The following BCO2 variants were observed in gnomAD, a reference collection of about 807,000 sequenced individuals.
The protein encoded by BCO2 is beta-carotene oxygenase 2, also known as carotenoid-cleaving dioxygenase, mitochondrial.
Under a neutral mutation model 65.8 loss-of-function variants are expected in BCO2, and 56 were observed. The ratio of observed to expected loss-of-function variants is 0.85; its 90% CI spans 0.69 to 1.06. The LOEUF (loss-of-function observed/expected upper bound fraction) is 1.06, where lower values mean the gene tolerates loss of function less well. Ranked by LOEUF, BCO2 falls within the 50% of genes least tolerant of loss-of-function variation. The pLI, the probability that BCO2 is intolerant of heterozygous loss-of-function variation, is 0.00. For missense variants in BCO2, 675 were observed against 698.5 expected (o/e 0.97, Z 0.38); for synonymous variants, 233 against 242.3 (o/e 0.96, Z 0.36).
Position 112,193,708 on chromosome 11 carries a change from T to C in BCO2, c.517+11T>C, listed in dbSNP as rs7105056. Reference sequence around the variant, plus strand: ...CTGGTAAAGCTGCAGGTGATAGTGATGATTATTTAAACTATTACGATATAT... The same window carrying C: ...CTGGTAAAGCTGCAGGTGATAGTGACGATTATTTAAACTATTACGATATAT... On this transcript the variant is annotated intron_variant, in intron 3 of 11. Coordinates refer to ENST00000357685, the MANE Select transcript of BCO2 (RefSeq NM_031938.7). The C allele has an allele frequency of 0.98, 1,572,303 of 1,608,290 alleles. 769,231 individuals are homozygous for C. Among genetic ancestry groups the C allele is most frequent in the East Asian group, 1 (44,810 of 44,822 alleles).
Position 112,179,371 on chromosome 11 carries a change from TGGAAGAGGCTCCACGG to T in BCO2, c.185_200del (p.Glu62AlafsTer53). On this transcript the variant is annotated frameshift_variant, in exon 2 of 12. Transcript: ENST00000357685. LOFTEE classifies it high-confidence loss of function. ...TGTGTTGCACCGCTGCTGACCACAG[TGGAAGAGGCTCCACGG>T]GGCATCTCTGCTCGAGTCTGGGGAC... The T allele has an allele frequency of 6.2e-7, 1 of 1,614,208 alleles. No individual in the cohort carries two copies. Among genetic ancestry groups the T allele is most frequent in the Non-Finnish European group, 8.5e-7 (1 of 1,180,046 alleles).
At chr11:112,195,693 C>G (rs1867552128) in intron 5 of BCO2, among the ~76,000 whole-genome samples, 1 of 152,154 alleles carries the variant, frequency 6.6e-6, no homozygotes, top group South Asian at 2.1e-4. Flanking sequence ...ATCCGTCTGC[C>G]TCGGTCTCCC....
chr11:112,189,967 ATAT>A (rs750589356), intron 2 of BCO2, among the ~76,000 whole-genome samples: 1 of 152,184 alleles, frequency 6.6e-6, no homozygotes, highest in Non-Finnish European at 1.5e-5. Flanking sequence ...CTGCAGACTA[ATAT>A]TATTTACGAA....
At position 112,214,873 on chromosome 11, in the gene BCO2, T is replaced by C. The variant is rs1268316090; in HGVS notation, c.1444T>C (p.Tyr482His). The part of the protein sequence containing the change: ...RFSGKKYHFF[Y>H]GCGFRHLVGD... ...CAGTGGCAAAAAGTATCATTTCTTT[T>C]ATGGCTGTGGCTTTCGGCATTTAGT... The change falls in exon 10 of 12, where the codon TAT becomes CAT. Residue 482 changes from tyrosine (Y) to histidine (H), a missense_variant. Physicochemically the swap from Tyr to His is moderately conservative, Grantham distance 83. Transcript: ENST00000357685. 2 of 1,614,068 alleles carry C rather than the reference T, an allele frequency of 1.2e-6. No homozygotes were observed. Among genetic ancestry groups the C allele is most frequent in the African/African-American group, 1.3e-5 (1 of 74,930 alleles).
chr11:112,180,810 A>G (rs966945612), intron 2 of BCO2: 3 of 1,034,650 alleles, frequency 2.9e-6, no homozygotes, highest in African/African-American at 3.1e-5. Context: ...GGCAGCCCCA[A>G]GAACGGAAAG....
chr11:112,179,305 C>G lies in BCO2; in HGVS notation c.116C>G (p.Pro39Arg). 1 of 1,614,136 alleles carries G rather than the reference C, an allele frequency of 6.2e-7. No homozygotes were observed. Among genetic ancestry groups the G allele is most frequent in the Non-Finnish European group, 8.5e-7 (1 of 1,180,014 alleles). The change falls in exon 2 of 12, where the codon CCT becomes CGT. Residue 39 changes from proline to arginine, a missense_variant. Coordinates refer to ENST00000357685, the MANE Select transcript of BCO2 (RefSeq NM_031938.7). ...TTCAAAAGGTACATGGGAAATACTC[C>G]TCAGAAAAAAGCCGTCTTTGGGCAG... ...PVFKRYMGNT[P>R]QKKAVFGQCR...
At chr11:112,205,135 T>C (rs1592858685) in intron 8 of BCO2, among the ~76,000 whole-genome samples, 1 of 152,236 alleles carries the variant, frequency 6.6e-6, no homozygotes, top group East Asian at 1.9e-4. Context: ...AAAAGTTATG[T>C]GTGGATTTTC....
At chr11:112,197,943 G>A (rs1227394013) in intron 5 of BCO2, among the ~76,000 whole-genome samples, 3 of 152,106 alleles carry the variant, frequency 2.0e-5, no homozygotes, top group African/African-American at 7.2e-5. Flanking sequence ...TATCCTCAAG[G>A]CTTTCTTCCT....
intron 9 of BCO2, among the ~76,000 whole-genome samples, chr11:112,214,382 CAG>C (rs1279656764): frequency 6.6e-6 from 1 of 152,074 alleles, no homozygotes; most frequent in Non-Finnish European, 1.5e-5. Context: ...CTCCTGACCT[CAG>C]GTAATCCGCC....
intron 8 of BCO2, among the ~76,000 whole-genome samples, chr11:112,210,772 A>T (rs1859485518): frequency 6.6e-6 from 1 of 151,972 alleles, no homozygotes; most frequent in Non-Finnish European, 1.5e-5. Flanking sequence ...ACACACACAC[A>T]CACACACACA....
At chr11:112,208,267 T>C (rs1859404212) in intron 8 of BCO2, among the ~76,000 whole-genome samples, 1 of 152,194 alleles carries the variant, frequency 6.6e-6, no homozygotes, top group African/African-American at 2.4e-5. Flanking sequence ...TGGCCGGCAA[T>C]TGATTTTTGT....
At chr11:112,195,946 C>T (rs889253630) in intron 5 of BCO2, among the ~76,000 whole-genome samples, 2 of 152,162 alleles carry the variant, frequency 1.3e-5, no homozygotes, top group African/African-American at 2.4e-5. Flanking sequence ...CCCTGGATCT[C>T]ACCGATTAAC....
Position 112,194,714 on chromosome 11 carries a change from A to G in BCO2, c.695A>G (p.Asp232Gly), listed in dbSNP as rs1867514835. The G allele has an allele frequency of 1.2e-6, 2 of 1,612,580 alleles. No homozygotes were observed. The highest frequency in any genetic ancestry group is 1.7e-6 in the Non-Finnish European group (2 of 1,179,092). Reference sequence around the variant, plus strand: ...ACTGCACATCCTCATTATGACCTGGATGGAACAGCATACAATATGGGGAAC... The same window carrying G: ...ACTGCACATCCTCATTATGACCTGGGTGGAACAGCATACAATATGGGGAAC... ...GATAHPHYDL[D>G]GTAYNMGNSF... The change falls in exon 5 of 12, where the codon GAT (aspartate) becomes GGT (glycine). Residue 232 changes from aspartate (D) to glycine (G), a missense_variant. Transcript: ENST00000357685.
intron 1 of BCO2, among the ~76,000 whole-genome samples, chr11:112,177,008 C>T (rs968730692): frequency 2.0e-5 from 3 of 152,064 alleles, no homozygotes; most frequent in Non-Finnish European, 4.4e-5. Flanking sequence ...CAGTAGCATG[C>T]AATAGAGTAT....
intron 8 of BCO2, among the ~76,000 whole-genome samples, chr11:112,209,377 A>G (rs1859443567): frequency 6.6e-6 from 1 of 152,158 alleles, no homozygotes; most frequent in African/African-American, 2.4e-5. Context: ...GACTTTTTTC[A>G]CTTAGCAATA....
intron 2 of BCO2, among the ~76,000 whole-genome samples, chr11:112,186,353 C>T (rs1446851524): frequency 6.6e-6 from 1 of 152,186 alleles, no homozygotes; most frequent in Non-Finnish European, 1.5e-5. Context: ...CTACTTTGTC[C>T]TCAAATCAGT....
chr11:112,195,479 C>T (rs1007037853), intron 5 of BCO2, among the ~76,000 whole-genome samples: 1 of 150,098 alleles, frequency 6.7e-6, no homozygotes, highest in East Asian at 2.0e-4. Context: ...AAGGCTCGCT[C>T]TTGCCCAGGC....
At position 112,218,544 on chromosome 11, in the gene BCO2, A is replaced by G. The variant is rs756693571; in HGVS notation, c.*670A>G. 10 of 257,036 alleles carry G rather than the reference A, an allele frequency of 3.9e-5. No homozygotes were observed. The highest frequency in any genetic ancestry group is 6.6e-5 in the Non-Finnish European group (8 of 121,650). 15.9% of individuals were successfully genotyped at this position (257,036 alleles called of 1,614,324 possible). A position where few individuals can be genotyped will look rare whatever the true frequency, so the allele number is the denominator to read the frequency against. On this transcript the variant is annotated 3_prime_UTR_variant, in exon 12 of 12. Transcript: ENST00000357685. ...TGGAGTCCCATGGTGCTGAACACCA[A>G]CTCACCCTAATTAAGGTTGATGACA...
At chr11:112,198,311 AG>A (rs1276359094) in intron 5 of BCO2, among the ~76,000 whole-genome samples, 1 of 151,962 alleles carries the variant, frequency 6.6e-6, no homozygotes, top group Non-Finnish European at 1.5e-5. Flanking sequence ...TGATAGTGCA[AG>A]GCCCTGTCTC....
Sources: allele counts gnomAD v4.1 joint callset (sites outside exome capture counted in the v4.1 genomes callset), GRCh38; gene constraint gnomAD v4.1.1; transcripts MANE v1.5; gene names NCBI Gene and HGNC (gene_info 2026-07-23, HGNC 2026-07-21).